The following MGAT4C variants were observed in gnomAD, a reference collection of about 807,000 sequenced individuals.
MGAT4C encodes the protein alpha-1,3-mannosyl-glycoprotein 4-beta-N-acetylglucosaminyltransferase C.
A neutral mutation model predicts 40.1 loss-of-function variants in MGAT4C; 19 were observed. The ratio of observed to expected loss-of-function variants is 0.47; its 90% CI spans 0.33 to 0.70. MGAT4C has a LOEUF of 0.70. Among genes scored for constraint, MGAT4C ranks in the 30% least tolerant of loss-of-function variants. The pLI, the probability that MGAT4C is intolerant of heterozygous loss-of-function variation, is 0.02. For synonymous variants in MGAT4C, 181 were observed against 187.1 expected, an observed-to-expected ratio of 0.97 and a Z score of 0.27; for missense variants, 491 against 563.2, an observed-to-expected ratio of 0.87 and a Z score of 1.30.
At chr12:86,633,548 A>T (rs1963127833) in intron 2 of MGAT4C, among the ~76,000 whole-genome samples, 1 of 152,126 alleles carries the variant, frequency 6.6e-6, no homozygotes, top group Non-Finnish European at 1.5e-5. Context: ...GACTATACCT[A>T]TTAGGATGCA....
chr12:86,573,011 T>C (rs1401372335), intron 2 of MGAT4C, among the ~76,000 whole-genome samples: 3 of 152,086 alleles, frequency 2.0e-5, no homozygotes, highest in Non-Finnish European at 4.4e-5. Flanking sequence ...TGTTAGTTTT[T>C]TAAATTTGTG....
chr12:86,643,220 T>A (rs1963441793), intron 2 of MGAT4C, among the ~76,000 whole-genome samples: 1 of 151,742 alleles, frequency 6.6e-6, no homozygotes, highest in African/African-American at 2.4e-5. Context: ...CAGCATTAAT[T>A]TATTCATGAG....
intron 1 of MGAT4C, among the ~76,000 whole-genome samples, chr12:86,204,879 A>T (rs534246612): frequency 2.6e-5 from 4 of 152,206 alleles, no homozygotes; most frequent in African/African-American, 9.6e-5. Context: ...ATACAGATAC[A>T]CAGTTTTTCA....
chr12:86,434,433 C>CATGTGTATATGTATACACATGTATA (rs1957100781), intron 3 of MGAT4C, among the ~76,000 whole-genome samples: 2 of 151,722 alleles, frequency 1.3e-5, no homozygotes, highest in African/African-American at 4.8e-5. Flanking sequence ...TACTTATATA[C>CATGTGTATATGTATACACATGTATA]ATGTGTATAT....
chr12:86,284,739 T>C (rs1953307634), intron 4 of MGAT4C, among the ~76,000 whole-genome samples: 1 of 151,986 alleles, frequency 6.6e-6, no homozygotes, highest in African/African-American at 2.4e-5. Flanking sequence ...AAACTTCTTC[T>C]TGTGGCAATA....
intron 2 of MGAT4C, among the ~76,000 whole-genome samples, chr12:86,654,491 A>C (rs1031902024): frequency 6.6e-6 from 1 of 152,046 alleles, no homozygotes; most frequent in Non-Finnish European, 1.5e-5. Flanking sequence ...ACTTCAAAAC[A>C]TCAGAGGTTT....
At chr12:86,083,288 T>A (rs532736061) in intron 1 of MGAT4C, among the ~76,000 whole-genome samples, 106 of 152,218 alleles carry the variant, frequency 7.0e-4, no homozygotes, top group Non-Finnish European at 1.1e-3. Flanking sequence ...ACCTAGCTGA[T>A]CTCTCTGCCC....
At chr12:86,098,892 T>A (rs1188103272) in intron 1 of MGAT4C, among the ~76,000 whole-genome samples, 1 of 151,550 alleles carries the variant, frequency 6.6e-6, no homozygotes, top group African/African-American at 2.4e-5. Flanking sequence ...ACCTTTTTCA[T>A]AGACAATGTC....
chr12:86,456,238 A>G (rs1483468128), intron 2 of MGAT4C, among the ~76,000 whole-genome samples: 5 of 151,884 alleles, frequency 3.3e-5, no homozygotes, highest in Admixed American at 6.6e-5. Context: ...CATCGTCGTC[A>G]TCATCATCAT....
chr12:86,744,738 G>T (rs1406528387), intron 1 of MGAT4C, among the ~76,000 whole-genome samples: 1 of 151,360 alleles, frequency 6.6e-6, no homozygotes, highest in Non-Finnish European at 1.5e-5. Flanking sequence ...TATGGATGTG[G>T]GTGTGTCTTT....
At chr12:86,393,807 TG>T (rs1232232879) in intron 3 of MGAT4C, among the ~76,000 whole-genome samples, 1 of 152,184 alleles carries the variant, frequency 6.6e-6, no homozygotes, top group East Asian at 1.9e-4. Context: ...CTAGGAATTA[TG>T]AGACAGTCCT....
At chr12:86,550,543 G>C (rs1959299681) in intron 2 of MGAT4C, among the ~76,000 whole-genome samples, 2 of 152,122 alleles carry the variant, frequency 1.3e-5, no homozygotes, top group African/African-American at 4.8e-5. Context: ...CCTGCTTTGA[G>C]GCCAGTAGGC....
chr12:86,313,334 G>A (rs1218895115), intron 4 of MGAT4C, among the ~76,000 whole-genome samples: 1 of 152,026 alleles, frequency 6.6e-6, no homozygotes, highest in African/African-American at 2.4e-5. Context: ...AAGAGATATG[G>A]AGAAACAATT....
intron 1 of MGAT4C, among the ~76,000 whole-genome samples, chr12:86,748,546 G>C (rs1349537440): frequency 6.6e-6 from 1 of 151,702 alleles, no homozygotes; most frequent in Non-Finnish European, 1.5e-5. Flanking sequence ...TATAAGAAGA[G>C]GAGGGGGAGC....
chr12:86,582,441 G>C (rs921149381), intron 2 of MGAT4C, among the ~76,000 whole-genome samples: 3 of 151,232 alleles, frequency 2.0e-5, no homozygotes, highest in African/African-American at 7.3e-5. Context: ...CAATTTGTTT[G>C]CTTGAAATTG....
At chr12:86,491,591 A>G (rs1362129866) in intron 2 of MGAT4C, among the ~76,000 whole-genome samples, 3 of 152,002 alleles carry the variant, frequency 2.0e-5, no homozygotes, top group African/African-American at 7.2e-5. Flanking sequence ...GACAAAATTC[A>G]ACAACGCTTC....
At chr12:86,260,880 T>A (rs145123136), upstream of MGAT4C, among the ~76,000 whole-genome samples, 489 of 152,102 alleles carry the variant, frequency 3.2e-3, no homozygotes, top group African/African-American at 0.011. Flanking sequence ...CCATATCCCA[T>A]TATATTTTTA....
At chr12:86,476,499 C>G (rs1265507865) in intron 2 of MGAT4C, among the ~76,000 whole-genome samples, 2 of 152,072 alleles carry the variant, frequency 1.3e-5, no homozygotes, top group Non-Finnish European at 2.9e-5. Flanking sequence ...TTAGTTCAGT[C>G]CCTGTGGAAG....
chr12:86,814,743 G>C (rs917846746), intron 1 of MGAT4C, among the ~76,000 whole-genome samples: 1 of 151,892 alleles, frequency 6.6e-6, no homozygotes, highest in Non-Finnish European at 1.5e-5. Flanking sequence ...TGAATGGGAT[G>C]AGTGCCCTTA....
Sources: gnomAD v4.1 joint callset for allele counts (sites outside exome capture counted in the v4.1 genomes callset) on GRCh38, gnomAD v4.1.1 for gene constraint, MANE v1.5 for transcripts, NCBI Gene and HGNC (gene_info 2026-07-23, HGNC 2026-07-21) for gene names.